The following GNG7 variants were observed in gnomAD, a reference collection of about 807,000 sequenced individuals.
The protein encoded by GNG7 is guanine nucleotide-binding protein G(I)/G(S)/G(O) subunit gamma-7.
GNG7 carries 1 observed loss-of-function variant against 4.0 expected under a neutral mutation model. The ratio of observed to expected loss-of-function variants is 0.25; its 90% CI spans 0.09 to 1.18. GNG7 has a LOEUF of 1.18. Ranked by LOEUF, GNG7 falls within the 50% of genes most tolerant of loss-of-function variation. The probability of loss-of-function intolerance (pLI) is 0.50; values close to 1 mark genes in which losing one functional copy is unlikely to be tolerated. For missense variants in GNG7, 86 were observed against 91.9 expected, an observed-to-expected ratio of 0.94 and a Z score of 0.26; for synonymous variants, 34 against 36.9, an observed-to-expected ratio of 0.92 and a Z score of 0.29.
At chr19:2,572,384 A>G (rs10418237) in intron 2 of GNG7, among the ~76,000 whole-genome samples, 54,867 of 151,812 alleles carry the variant, frequency 0.36, 12,022 homozygotes, top group African/African-American at 0.62. Context: ...CAAGTTTTTA[A>G]TTCCTTCACA....
intron 1 of GNG7, among the ~76,000 whole-genome samples, chr19:2,674,355 C>T (rs1983540338): frequency 6.6e-6 from 1 of 152,210 alleles, no homozygotes; most frequent in Admixed American, 6.5e-5. Flanking sequence ...GTACAATCCA[C>T]TCTTGAAGGG....
chr19:2,701,982 A>G (rs536191650), intron 1 of GNG7, among the ~76,000 whole-genome samples: 1 of 134,684 alleles, frequency 7.4e-6, no homozygotes, highest in Admixed American at 7.6e-5. Flanking sequence ...CTGCGACTCT[A>G]GCCCCCTCCC....
chr19:2,536,786 C>G (rs998296370), intron 3 of GNG7, among the ~76,000 whole-genome samples: 2 of 151,874 alleles, frequency 1.3e-5, no homozygotes, highest in Non-Finnish European at 2.9e-5. Context: ...TCCACGACAC[C>G]CTAGGGGTTC....
chr19:2,604,996 G>C (rs958437750), intron 2 of GNG7, among the ~76,000 whole-genome samples: 1 of 152,146 alleles, frequency 6.6e-6, no homozygotes, highest in African/African-American at 2.4e-5. Flanking sequence ...TAAAACAATG[G>C]AAATGGATTC....
intron 3 of GNG7, among the ~76,000 whole-genome samples, chr19:2,553,878 A>G (rs148391539): frequency 6.1e-5 from 9 of 146,972 alleles, no homozygotes; most frequent in Non-Finnish European, 1.0e-4. Context: ...CATTGCATAC[A>G]TGTACATATT....
chr19:2,655,734 G>A (rs1313527741), intron 1 of GNG7, among the ~76,000 whole-genome samples: 3 of 150,746 alleles, frequency 2.0e-5, no homozygotes, highest in African/African-American at 7.3e-5. Flanking sequence ...AGCTACTCGG[G>A]AGCCTGAGGC....
chr19:2,554,845 G>T (rs566720450), intron 3 of GNG7, among the ~76,000 whole-genome samples: 1 of 152,260 alleles, frequency 6.6e-6, no homozygotes, highest in South Asian at 2.1e-4. Context: ...GTGAGCCACT[G>T]CACCTGGCTA....
At chr19:2,601,950 G>C (rs867055743) in intron 2 of GNG7, among the ~76,000 whole-genome samples, 15 of 151,820 alleles carry the variant, frequency 9.9e-5, no homozygotes, top group Non-Finnish European at 2.9e-5. Context: ...GAGAGGAGAG[G>C]GGAGGAGAGC....
intron 2 of GNG7, among the ~76,000 whole-genome samples, chr19:2,568,942 C>T (rs1350491396): frequency 2.0e-5 from 3 of 151,532 alleles, no homozygotes; most frequent in Non-Finnish European, 2.9e-5. Context: ...TATACAAATA[C>T]ACACAAATAT....
intron 1 of GNG7, among the ~76,000 whole-genome samples, chr19:2,670,316 G>A (rs1046781812): frequency 9.2e-5 from 14 of 152,300 alleles, no homozygotes; most frequent in Middle Eastern, 3.4e-3. Context: ...CACTGTCGGG[G>A]GAGCAGAGAC....
chr19:2,662,584 T>G (rs1439187764), intron 1 of GNG7, among the ~76,000 whole-genome samples: 1 of 152,156 alleles, frequency 6.6e-6, no homozygotes, highest in African/African-American at 2.4e-5. Context: ...TAAAGCATAT[T>G]ACAAAGAATA....
At chr19:2,569,491 G>A (rs1980080707) in intron 2 of GNG7, among the ~76,000 whole-genome samples, 1 of 152,118 alleles carries the variant, frequency 6.6e-6, no homozygotes, top group Admixed American at 6.5e-5. Context: ...TAGCCAGGAT[G>A]GTCTCGATCT....
chr19:2,545,229 G>A (rs1252790565), intron 3 of GNG7, among the ~76,000 whole-genome samples: 2 of 152,082 alleles, frequency 1.3e-5, no homozygotes, highest in African/African-American at 4.8e-5. Flanking sequence ...CTCCTGGCAT[G>A]GAGTGGGTGG....
intron 2 of GNG7, among the ~76,000 whole-genome samples, chr19:2,612,525 C>G (rs928034956): frequency 3.9e-5 from 6 of 152,042 alleles, no homozygotes; most frequent in Admixed American, 3.9e-4. Context: ...CAGGCAGGAC[C>G]CAGGCTCCCA....
At chr19:2,542,322 C>T (rs1449580113) in intron 3 of GNG7, among the ~76,000 whole-genome samples, 1 of 151,814 alleles carries the variant, frequency 6.6e-6, no homozygotes, top group Non-Finnish European at 1.5e-5. Context: ...CACCATGTTG[C>T]CCAGGCTGGT....
Position 2,513,032 on chromosome 19 carries a change from C to CGGACCT in GNG7, c.*1984_*1989dup, listed in dbSNP as rs1972677882. 6 of 985,332 alleles carry CGGACCT rather than the reference C, an allele frequency of 6.1e-6. No individual in the cohort carries two copies. The highest frequency in any genetic ancestry group is 7.2e-6 in the Non-Finnish European group (6 of 829,956). 61.0% of individuals were successfully genotyped at this position (985,332 alleles called of 1,614,324 possible). A position where few individuals can be genotyped will look rare whatever the true frequency, so the allele number is the denominator to read the frequency against. On this transcript the variant is annotated 3_prime_UTR_variant, in exon 5 of 5. Coordinates refer to ENST00000382159, the MANE Select transcript of GNG7 (RefSeq NM_052847.3). The stretch of plus-strand genomic sequence containing the variant: ...GGGCTCCCCGAAGCCCCAGCCCTCC[C>CGGACCT]GGACCTGCCGTAGAGAGCTGGGTGC...
chr19:2,558,744 C>A (rs12973875), intron 2 of GNG7, among the ~76,000 whole-genome samples: 1 of 151,240 alleles, frequency 6.6e-6, no homozygotes, highest in Admixed American at 6.6e-5. Context: ...TTTCTTCCTT[C>A]CTTTCCTTCT....
At position 2,531,701 on chromosome 19, in the gene GNG7, G is replaced by A. The variant is rs972033206; in HGVS notation, c.-37-10976C>T. On this transcript the variant is annotated intron_variant, in intron 3 of 4. Transcript: ENST00000382159. Reference sequence around the variant, plus strand: ...CAGGAGAGTGGCATGAACCCGGGAGGTGGAGCTTGCAGTGAACCGAGATCG... The same window carrying A: ...CAGGAGAGTGGCATGAACCCGGGAGATGGAGCTTGCAGTGAACCGAGATCG... 3.3e-5 allele frequency among the ~76,000 whole-genome samples: 5 copies of A among 150,290 alleles called. No individual in the cohort carries two copies. The East Asian group carries it at 1.0e-3, about 30-fold the overall frequency.
At chr19:2,647,700 A>G (rs543079114) in intron 1 of GNG7, among the ~76,000 whole-genome samples, 2 of 152,156 alleles carry the variant, frequency 1.3e-5, no homozygotes, top group African/African-American at 4.8e-5. Flanking sequence ...CCTAGGCAAC[A>G]GAGTGCAATC....
Sources: gnomAD v4.1 joint callset for allele counts (sites outside exome capture counted in the v4.1 genomes callset) on GRCh38, gnomAD v4.1.1 for gene constraint, MANE v1.5 for transcripts, NCBI Gene and HGNC (gene_info 2026-07-23, HGNC 2026-07-21) for gene names.